Variants in SUPT3H observed in about 807,000 individuals in gnomAD.
SUPT3H encodes SPT3 homolog, SAGA and STAGA complex component, also known as transcription initiation protein SPT3 homolog.
Under a neutral mutation model 44.3 loss-of-function variants are expected in SUPT3H, and 44 were observed. The observed-to-expected ratio is 0.99, with a 90% CI of 0.78 to 1.28. The LOEUF (loss-of-function observed/expected upper bound fraction) is 1.28. Among genes scored for constraint, SUPT3H ranks in the 50% most tolerant of loss-of-function variants. The pLI, the probability that SUPT3H is intolerant of heterozygous loss-of-function variation, is 0.00. For synonymous variants in SUPT3H, 124 were observed against 125.6 expected, an observed-to-expected ratio of 0.99 and a Z score of 0.09; for missense variants, 380 against 387.1, an observed-to-expected ratio of 0.98 and a Z score of 0.15.
At chr6:45,048,786 G>T (rs889872624) in intron 3 of SUPT3H, among the ~76,000 whole-genome samples, 26 of 152,092 alleles carry the variant, frequency 1.7e-4, no homozygotes, top group African/African-American at 6.3e-4. Flanking sequence ...AATAAGCCAG[G>T]CATGGAAAGA....
intron 2 of SUPT3H, among the ~76,000 whole-genome samples, chr6:45,271,561 G>A (rs987100523): frequency 6.6e-6 from 1 of 152,226 alleles, no homozygotes. Context: ...TTCAGAGGAT[G>A]CATGGTAATG....
At chr6:44,891,774 C>T (rs867334359) in intron 10 of SUPT3H, among the ~76,000 whole-genome samples, 2 of 143,002 alleles carry the variant, frequency 1.4e-5, no homozygotes, top group African/African-American at 5.2e-5. Flanking sequence ...GTATATTTTA[C>T]AATAAAAAAT....
At chr6:44,852,788 T>C (rs1199811475) in intron 10 of SUPT3H, among the ~76,000 whole-genome samples, 1 of 152,158 alleles carries the variant, frequency 6.6e-6, no homozygotes, top group African/African-American at 2.4e-5. Context: ...AAACAAGTAA[T>C]TTGTATAAAA....
At chr6:44,826,175 A>G (rs1378170829), downstream of SUPT3H, among the ~76,000 whole-genome samples, 1 of 152,200 alleles carries the variant, frequency 6.6e-6, no homozygotes, top group East Asian at 1.9e-4. Context: ...TTTAACCATC[A>G]CATTTACATC....
chr6:45,193,585 G>A (rs566341035), intron 2 of SUPT3H, among the ~76,000 whole-genome samples: 18 of 152,078 alleles, frequency 1.2e-4, no homozygotes, highest in Non-Finnish European at 2.2e-4. Flanking sequence ...GCATGGTGAC[G>A]GGCACCTGTA....
At chr6:45,010,514 A>G (rs141882326) in intron 5 of SUPT3H, among the ~76,000 whole-genome samples, 37 of 152,236 alleles carry the variant, frequency 2.4e-4, no homozygotes, top group Middle Eastern at 3.4e-3. Flanking sequence ...CAACAAATAC[A>G]TCATAAACTG....
chr6:45,368,877 T>C lies in SUPT3H; in HGVS notation c.1-3576A>G, dbSNP rs137947399. On this transcript the variant is annotated intron_variant, in intron 1 of 10. Transcript: ENST00000371459. ...AAATTCCAAAGGCAGGAAACAATTA[T>C]GGTTAAGCCAACACTATTATGCACT... is the stretch of plus-strand genomic sequence containing the variant. Among the ~76,000 whole-genome samples, 324 of 152,238 alleles carry C rather than the reference T, an allele frequency of 2.1e-3. 1 individual carries two copies. Among genetic ancestry groups the C allele is most frequent in the African/African-American group, 7.5e-3 (310 of 41,568 alleles).
chr6:45,173,937 C>T (rs1425881663), intron 2 of SUPT3H, among the ~76,000 whole-genome samples: 1 of 152,214 alleles, frequency 6.6e-6, no homozygotes, highest in East Asian at 1.9e-4. Context: ...CCACTGCCCT[C>T]TGCCTTTTTA....
chr6:44,843,904 AACACAC>A (rs58737760), intron 10 of SUPT3H, among the ~76,000 whole-genome samples: 11 of 118,606 alleles, frequency 9.3e-5, no homozygotes, highest in South Asian at 6.5e-4. Flanking sequence ...TGAACAGCCA[AACACAC>A]ACACACACAC....
At chr6:45,116,325 T>C (rs927991018) in intron 2 of SUPT3H, among the ~76,000 whole-genome samples, 4 of 152,162 alleles carry the variant, frequency 2.6e-5, no homozygotes, top group Non-Finnish European at 4.4e-5. Flanking sequence ...TCACCAATTA[T>C]TAACATTTTA....
chr6:44,850,788 CTATCTAT>C lies in SUPT3H; in HGVS notation c.913-20938_913-20932del, dbSNP rs1772753783. ...TCTATCTATCTATCTATCTATCTAT[CTATCTAT>C]AAATGTACCTTGTATGTACAAACAT... On this transcript the variant is annotated intron_variant, in intron 10 of 10. Coordinates refer to ENST00000371459, the MANE Select transcript of SUPT3H (RefSeq NM_003599.4). 5.3e-5 allele frequency among the ~76,000 whole-genome samples: 8 copies of C among 151,572 alleles called. No homozygotes were observed. In the South Asian group the frequency reaches 1.2e-3, roughly 24 times the overall value.
At chr6:45,309,675 A>T (rs1311139937) in intron 2 of SUPT3H, among the ~76,000 whole-genome samples, 1 of 152,210 alleles carries the variant, frequency 6.6e-6, no homozygotes, top group African/African-American at 2.4e-5. Context: ...TAATCCAAAC[A>T]AGAATAGACG....
At chr6:45,115,938 G>A (rs921530256) in intron 2 of SUPT3H, among the ~76,000 whole-genome samples, 6 of 152,020 alleles carry the variant, frequency 3.9e-5, no homozygotes, top group African/African-American at 1.4e-4. Context: ...ACACACCCTT[G>A]AGTGCCAACC....
intron 3 of SUPT3H, among the ~76,000 whole-genome samples, chr6:45,069,045 C>CT (rs1793946289): frequency 6.6e-6 from 1 of 151,450 alleles, no homozygotes; most frequent in Non-Finnish European, 1.5e-5. Flanking sequence ...CCTGTGATTC[C>CT]TAGTGTACTT....
chr6:44,907,305 T>C (rs1766265570), intron 10 of SUPT3H, among the ~76,000 whole-genome samples: 1 of 152,208 alleles, frequency 6.6e-6, no homozygotes, highest in South Asian at 2.1e-4. Context: ...ACCAAATCTA[T>C]TTCACGATAT....
At chr6:44,931,536 T>C (rs979698936) in intron 10 of SUPT3H, among the ~76,000 whole-genome samples, 1 of 152,168 alleles carries the variant, frequency 6.6e-6, no homozygotes, top group Non-Finnish European at 1.5e-5. Context: ...TTTTCAATTA[T>C]AAGACTTCAA....
intron 2 of SUPT3H, among the ~76,000 whole-genome samples, chr6:45,349,593 C>G (rs748479984): frequency 7.2e-5 from 11 of 152,280 alleles, no homozygotes; most frequent in Non-Finnish European, 1.0e-4. Flanking sequence ...TCAGGTGATT[C>G]TAATGCACAC....
intron 3 of SUPT3H, chr6:45,098,256 C>G (rs1798070296): frequency 6.3e-6 from 1 of 158,100 alleles, no homozygotes; most frequent in East Asian, 1.9e-4. Context: ...TGAAGCATGT[C>G]TGTTAGGCCT....
At chr6:44,939,278 G>C (rs1029830793) in intron 9 of SUPT3H, among the ~76,000 whole-genome samples, 6 of 152,104 alleles carry the variant, frequency 3.9e-5, no homozygotes, top group African/African-American at 1.4e-4. Context: ...TTATAATGCA[G>C]GGATGCTGAA....
Sources: allele counts gnomAD v4.1 joint callset (sites outside exome capture counted in the v4.1 genomes callset), GRCh38; gene constraint gnomAD v4.1.1; transcripts MANE v1.5; gene names NCBI Gene and HGNC (gene_info 2026-07-23, HGNC 2026-07-21).